The following PPP2R1B variants were observed in gnomAD, a reference collection of about 807,000 sequenced individuals.
PPP2R1B encodes the protein protein phosphatase 2 scaffold subunit Abeta, also known as serine/threonine-protein phosphatase 2A 65 kDa regulatory subunit A beta isoform.
A neutral mutation model predicts 72.7 loss-of-function variants in PPP2R1B; 58 were observed. The observed-to-expected ratio is 0.80, with a 90% CI of 0.65 to 0.99. The LOEUF (loss-of-function observed/expected upper bound fraction) is 0.99, where lower values mean the gene tolerates loss of function less well. Among genes scored for constraint, PPP2R1B ranks in the 50% least tolerant of loss-of-function variants. The pLI is 0.00. For synonymous variants in PPP2R1B, 256 were observed against 264.6 expected (o/e 0.97, Z 0.32); for missense variants, 695 against 733.6 (o/e 0.95, Z 0.61).
At chr11:111,701,126 C>A in the PPP2R1B span, 1 of 1,334,032 alleles carries the variant, frequency 7.5e-7, no homozygotes, top group Non-Finnish European at 1.0e-6. This position sits in a 1 kb window ranked among gnomAD's most constrained non-coding sequence, Gnocchi z 4.2. Context: ...ATATTTTCCC[C>A]ATCCACTGGA....
intron 3 of PPP2R1B, among the ~76,000 whole-genome samples, chr11:111,761,489 T>C (rs782714524): frequency 1.3e-5 from 2 of 152,228 alleles, no homozygotes; most frequent in Non-Finnish European, 2.9e-5. Flanking sequence ...CACAGCCTTT[T>C]CAGTATCTTT....
At chr11:111,729,630 C>T (rs968049549) in intron 15 of PPP2R1B, 2 of 152,256 alleles carry the variant, frequency 1.3e-5, no homozygotes, top group African/African-American at 4.8e-5. Flanking sequence ...TCTCTTTCCT[C>T]AGTAGCATCT....
rs60119313 is a variant in PPP2R1B, at chr11:111,763,847, ACT to A, written c.306+956_306+957del. 6.7e-3 allele frequency among the ~76,000 whole-genome samples: 975 copies of A among 146,242 alleles called. 8 individuals are homozygous for A. Among genetic ancestry groups the A allele is most frequent in the African/African-American group, 0.022 (906 of 40,298 alleles). ...GCCTATATACATAGACAGAAAAAAA[ACT>A]CTCTCTCTCTCTCTCTCTCTATATA... On this transcript the variant is annotated intron_variant, in intron 3 of 14. Transcript: ENST00000527614.
At chr11:111,753,199 T>C (rs372453749) in intron 9 of PPP2R1B, among the ~76,000 whole-genome samples, 1 of 152,142 alleles carries the variant, frequency 6.6e-6, no homozygotes, top group Non-Finnish European at 1.5e-5. Context: ...CCAGGGAGTA[T>C]AAAGCAAAAA....
chr11:111,746,758 TGA>T (rs1295136594), intron 11 of PPP2R1B, among the ~76,000 whole-genome samples: 1 of 152,190 alleles, frequency 6.6e-6, no homozygotes, highest in Non-Finnish European at 1.5e-5. Context: ...TTCTTTCCTA[TGA>T]TTTGCCAAAT....
chr11:111,761,896 G>A (rs1309567230), intron 3 of PPP2R1B, among the ~76,000 whole-genome samples: 1 of 152,184 alleles, frequency 6.6e-6, no homozygotes, highest in Non-Finnish European at 1.5e-5. Flanking sequence ...GGAGGCAGAG[G>A]TTGCAGTGAG....
At chr11:111,715,793 CT>C in the PPP2R1B span, among the ~76,000 whole-genome samples, 630 of 81,534 alleles carry the variant, frequency 7.7e-3, no homozygotes, top group African/African-American at 0.021. Context: ...TCATTTTTAG[CT>C]TTTTTTTTTT....
the PPP2R1B span, among the ~76,000 whole-genome samples, chr11:111,702,672 GTCAGC>G: frequency 1.3e-5 from 2 of 152,282 alleles, no homozygotes; most frequent in African/African-American, 4.8e-5. Flanking sequence ...AGAGCATCAT[GTCAGC>G]TCAGAGAATA....
At position 111,738,198 on chromosome 11, in the gene PPP2R1B, G is replaced by T; in HGVS notation, c.*3398C>A. On this transcript the variant is annotated 3_prime_UTR_variant, in exon 15 of 15. Transcript: ENST00000527614. ...GCAGTCACCTCAGCTGCTAAACCAG[G>T]AGAACACTGGGCAACAGGGCCTCTC... 2.0e-6 allele frequency: 2 copies of T among 985,742 alleles called. No individual in the cohort carries two copies. The highest frequency in any genetic ancestry group is 4.7e-5 in the South Asian group (1 of 21,306). The allele number at this position is 985,742 out of a possible 1,614,324, so 61.1% of individuals were successfully genotyped here. A position where few individuals can be genotyped will look rare whatever the true frequency, so the allele number is the denominator to read the frequency against.
chr11:111,707,748 G>C, the PPP2R1B span, among the ~76,000 whole-genome samples: 2 of 152,202 alleles, frequency 1.3e-5, no homozygotes, highest in South Asian at 4.2e-4. Flanking sequence ...CAAATCACTT[G>C]TTTCTTGATA....
At chr11:111,719,768 C>T in the PPP2R1B span, 7 of 1,610,702 alleles carry the variant, frequency 4.3e-6, no homozygotes, top group East Asian at 2.2e-5. Context: ...TCTCCCCTGG[C>T]GTTTAGGTCA....
At chr11:111,688,895 T>C in the PPP2R1B span, among the ~76,000 whole-genome samples, 1 of 152,172 alleles carries the variant, frequency 6.6e-6, no homozygotes, top group African/African-American at 2.4e-5. This position sits in a 1 kb window ranked among gnomAD's most constrained non-coding sequence, Gnocchi z 4.2. Flanking sequence ...GTCAATTACA[T>C]TTTAATAAAA....
the PPP2R1B span, among the ~76,000 whole-genome samples, chr11:111,704,129 G>A: frequency 5.3e-5 from 8 of 152,138 alleles, no homozygotes; most frequent in Non-Finnish European, 4.4e-5. Flanking sequence ...CCCCCGCCAC[G>A]TAGCCATAAG....
the PPP2R1B span, among the ~76,000 whole-genome samples, chr11:111,702,745 T>C: frequency 2.0e-5 from 3 of 152,200 alleles, no homozygotes; most frequent in African/African-American, 7.2e-5. Context: ...AAGTAAGTAA[T>C]ATTTTATGTA....
At chr11:111,707,066 C>T in the PPP2R1B span, among the ~76,000 whole-genome samples, 1 of 151,696 alleles carries the variant, frequency 6.6e-6, no homozygotes, top group Admixed American at 6.6e-5. Flanking sequence ...TGGAAATCTT[C>T]GAAGTTGAAT....
At chr11:111,721,675 G>T in the PPP2R1B span, among the ~76,000 whole-genome samples, 1 of 152,166 alleles carries the variant, frequency 6.6e-6, no homozygotes, top group Non-Finnish European at 1.5e-5. Context: ...AGAGTAATGA[G>T]CCCTCAGCCT....
the PPP2R1B span, among the ~76,000 whole-genome samples, chr11:111,692,233 C>G: frequency 6.6e-6 from 1 of 151,468 alleles, no homozygotes; most frequent in African/African-American, 2.4e-5. Context: ...CGCCTGTAGT[C>G]CCAGCTACTC....
chr11:111,754,693 C>T, intron 7 of PPP2R1B, 124 bp from the exon 8 acceptor site: 1 of 1,431,870 alleles, frequency 7.0e-7, no homozygotes, highest in East Asian at 2.5e-5. Context: ...ATAAGGAAAA[C>T]AGCTCTTGTT....
the PPP2R1B span, chr11:111,721,794 G>A: frequency 6.5e-7 from 1 of 1,539,534 alleles, no homozygotes; most frequent in South Asian, 1.2e-5. Context: ...TTCCCCATGG[G>A]GAATTGAAAA....
Sources: gnomAD v4.1 joint callset for allele counts (sites outside exome capture counted in the v4.1 genomes callset) on GRCh38, gnomAD v4.1.1 for gene constraint, Gnocchi (gnomAD v3.1) non-coding constraint, MANE v1.5 for transcripts, NCBI Gene and HGNC (gene_info 2026-07-23, HGNC 2026-07-21) for gene names.